The following SIGLECL1 variants were observed in gnomAD, a reference collection of about 807,000 sequenced individuals.
The protein encoded by SIGLECL1 is SIGLEC family like 1.
Under a neutral mutation model 19.1 loss-of-function variants are expected in SIGLECL1, and 16 were observed. That is an observed-to-expected ratio of 0.84 (90% CI 0.57 to 1.27). SIGLECL1 has a LOEUF of 1.27. Ranked by LOEUF, SIGLECL1 falls within the 50% of genes most tolerant of loss-of-function variation. The pLI, the probability that SIGLECL1 is intolerant of heterozygous loss-of-function variation, is 0.00. For synonymous variants in SIGLECL1, 89 were observed against 90.4 expected, an observed-to-expected ratio of 0.98 and a Z score of 0.09; for missense variants, 210 against 239.4, an observed-to-expected ratio of 0.88 and a Z score of 0.81.
At position 51,264,066 on chromosome 19, in the gene SIGLECL1, G is replaced by A. The variant is rs1983446969; in HGVS notation, c.-7G>A. 3 of 1,613,924 alleles carry A rather than the reference G, an allele frequency of 1.9e-6. No homozygotes were observed. In the African/African-American group the frequency reaches 4.0e-5, roughly 22 times the overall value. On this transcript the variant is annotated 5_prime_UTR_variant, in exon 2 of 6. Transcript: ENST00000601727. ...GCTGTTCCTGAGAACTGTTGCTGCT[G>A]GAAGTGATGCTTCCACTGCTACAGC...
intron 5 of SIGLECL1, 135 bp from the exon 6 acceptor site, chr19:51,268,436 G>A (rs1983838585): frequency 7.8e-6 from 7 of 900,992 alleles, no homozygotes; most frequent in South Asian, 6.7e-5. Context: ...TTGTGAGGAA[G>A]GGCTAAGCCA....
In SIGLECL1 at chr19:51,268,730, C is replaced by A. The variant is rs1179184482; in HGVS notation, c.*133C>A. On this transcript the variant is annotated 3_prime_UTR_variant, in exon 6 of 6. Coordinates refer to ENST00000601727, the MANE Select transcript of SIGLECL1 (RefSeq NM_001385465.1). ...AGCCCCCTGGACTCTCCTCAGCTCA[C>A]AAAACCCTCTCAATTCCTACACATC... 2 of 777,616 alleles carry A rather than the reference C, an allele frequency of 2.6e-6. No individual in the cohort carries two copies. Among genetic ancestry groups the A allele is most frequent in the African/African-American group, 1.8e-5 (1 of 57,088 alleles). 48.2% of individuals were successfully genotyped at this position (777,616 alleles called of 1,614,324 possible). A position where few individuals can be genotyped will look rare whatever the true frequency, so the allele number is the denominator to read the frequency against.
chr19:51,261,273 T>C (rs1303816465), intron 1 of SIGLECL1, among the ~76,000 whole-genome samples: 1 of 152,130 alleles, frequency 6.6e-6, no homozygotes, highest in African/African-American at 2.4e-5. Context: ...GGTGTATGTT[T>C]TCATTCTTTG....
chr19:51,265,453 TGTGCA>T lies in SIGLECL1; in HGVS notation c.112_116del (p.Gln38ValfsTer28), dbSNP rs1262829465. 1 of 1,614,016 alleles carries T rather than the reference TGTGCA, an allele frequency of 6.2e-7. No homozygotes were observed. The highest frequency in any genetic ancestry group is 8.5e-7 in the Non-Finnish European group (1 of 1,180,034). On this transcript the variant is annotated frameshift_variant, in exon 3 of 6. Coordinates refer to ENST00000601727, the MANE Select transcript of SIGLECL1 (RefSeq NM_001385465.1). LOFTEE classifies it high-confidence loss of function. Reference sequence around the variant, plus strand: ...CCTTCCATGGGATTCCCACACCCTCTGTGCAGTGGTGGATGGGAGGAGTCCCCGTG... The same window carrying T: ...CCTTCCATGGGATTCCCACACCCTCTGTGGTGGATGGGAGGAGTCCCCGTG...
rs562329475 is a variant in SIGLECL1 at position 51,264,055 on chromosome 19, C to G, written c.-18C>G. On this transcript the variant is annotated 5_prime_UTR_variant, in exon 2 of 6. Transcript: ENST00000601727. ...AAAGAGCTTCTGCTGTTCCTGAGAA[C>G]TGTTGCTGCTGGAAGTGATGCTTCC... 3.5e-5 allele frequency: 57 copies of G among 1,613,912 alleles called. No individual in the cohort carries two copies. The East Asian group carries it at 1.2e-3, about 33-fold the overall frequency.
Position 51,265,993 on chromosome 19 carries a change from G to A in SIGLECL1, c.410+111G>A, listed in dbSNP as rs907312004. 3.9e-6 allele frequency: 4 copies of A among 1,019,790 alleles called. No homozygotes were observed. In the South Asian group the frequency reaches 5.7e-5, roughly 14 times the overall value. 63.2% of individuals were successfully genotyped at this position (1,019,790 alleles called of 1,614,324 possible). On this transcript the variant is annotated intron_variant, in intron 4 of 5. Coordinates refer to ENST00000601727, the MANE Select transcript of SIGLECL1 (RefSeq NM_001385465.1). ...GACCCCTCCCCTCAAGGAGCTTAGG[G>A]TCTAAAGAGGGAAAGATGTACCAAA...
intron 1 of SIGLECL1, among the ~76,000 whole-genome samples, chr19:51,256,474 G>T (rs758440830): frequency 6.6e-6 from 1 of 152,182 alleles, no homozygotes; most frequent in Non-Finnish European, 1.5e-5. Context: ...AAAGTCAAAC[G>T]CATGGAAGCA....
rs1983764939 is a variant in SIGLECL1, at chr19:51,267,454, A to G, written c.492A>G (p.Gln164=). 3.7e-6 allele frequency: 6 copies of G among 1,614,248 alleles called. No individual in the cohort carries two copies. The East Asian group carries it at 1.1e-4, about 30-fold the overall frequency. Residue 164 remains glutamine (Q), a synonymous_variant, in exon 5 of 6, where the codon CAA becomes CAG. Transcript: ENST00000601727. The part of the protein sequence containing the change: ...AKKSSKVRAS[Q]ELEMSLKPEE... ...AGAGCTCTAAAGTCAGAGCAAGCCAAGAACTTGAGATGTCTCTGAAGCCTG... is the reference window on the plus strand; with the variant it reads ...AGAGCTCTAAAGTCAGAGCAAGCCAGGAACTTGAGATGTCTCTGAAGCCTG...
At chr19:51,266,794 C>T (rs954853917) in intron 4 of SIGLECL1, among the ~76,000 whole-genome samples, 2 of 152,100 alleles carry the variant, frequency 1.3e-5, no homozygotes, top group Non-Finnish European at 2.9e-5. Flanking sequence ...GCCAGAGAGA[C>T]GGGCAGGGGA....
In SIGLECL1 at chr19:51,269,303, T is replaced by C. The variant is rs1224549069; in HGVS notation, c.*706T>C. On this transcript the variant is annotated 3_prime_UTR_variant, in exon 6 of 6. Transcript: ENST00000601727. Reference sequence around the variant, plus strand: ...CTTTTATCACCAGCACCCAGAATGATGCCTAAAATACAATAAGATCTCAAG... The same window carrying C: ...CTTTTATCACCAGCACCCAGAATGACGCCTAAAATACAATAAGATCTCAAG... 6.6e-6 allele frequency: 1 copy of C among 152,262 alleles called. No homozygotes were observed. Among genetic ancestry groups the C allele is most frequent in the East Asian group, 1.9e-4 (1 of 5,208 alleles). The allele number at this position is 152,262 out of a possible 1,614,324, so 9.4% of individuals were successfully genotyped here. A position where few individuals can be genotyped will look rare whatever the true frequency, so the allele number is the denominator to read the frequency against.
chr19:51,253,355 AG>A (rs1982613139), intron 1 of SIGLECL1, among the ~76,000 whole-genome samples: 1 of 151,534 alleles, frequency 6.6e-6, no homozygotes, highest in African/African-American at 2.4e-5. Flanking sequence ...CTTCATATCT[AG>A]GCAGTTTGAC....
intron 1 of SIGLECL1, among the ~76,000 whole-genome samples, chr19:51,260,213 C>A (rs919690702): frequency 2.0e-5 from 3 of 152,194 alleles, no homozygotes; most frequent in Admixed American, 6.5e-5. Flanking sequence ...CTCTTCCTCC[C>A]AAAAAGGCAA....
Position 51,265,362 on chromosome 19 carries a change from C to G in SIGLECL1, c.23-6C>G, listed in dbSNP as rs529230865. ...CTTGCTGACTCCTGACCCTTCCTCC[C>G]CACAGTACCTGCTAAGCTGCTCAAC... On this transcript the variant is annotated splice_region_variant and splice_polypyrimidine_tract_variant and intron_variant, in intron 2 of 5. Coordinates refer to ENST00000601727, the MANE Select transcript of SIGLECL1 (RefSeq NM_001385465.1). 51 of 1,599,188 alleles carry G rather than the reference C, an allele frequency of 3.2e-5. No individual in the cohort carries two copies. The South Asian group carries it at 5.4e-4, about 17-fold the overall frequency.
chr19:51,246,577 G>A (rs1982266609), upstream of SIGLECL1, among the ~76,000 whole-genome samples: 1 of 152,076 alleles, frequency 6.6e-6, no homozygotes, highest in Admixed American at 6.6e-5. Context: ...CTGATTGAGT[G>A]GTTAAGTTAA....
chr19:51,252,099 C>A (rs1982524284), intron 1 of SIGLECL1, among the ~76,000 whole-genome samples: 1 of 152,014 alleles, frequency 6.6e-6, no homozygotes, highest in South Asian at 2.1e-4. Context: ...GAGTTCAAGA[C>A]CAGCCTGGCC....
chr19:51,258,405 T>C (rs141145333), intron 1 of SIGLECL1, among the ~76,000 whole-genome samples: 425 of 152,338 alleles, frequency 2.8e-3, no homozygotes, highest in East Asian at 0.011. Context: ...CCTGTGCGTA[T>C]AGAAATGCAG....
intron 4 of SIGLECL1, 95 bp downstream of exon 4, chr19:51,265,977 C>G: frequency 8.2e-7 from 1 of 1,222,820 alleles, no homozygotes; most frequent in Non-Finnish European, 1.2e-6. Context: ...GGACCCCTCC[C>G]CTCAAGGAGC....
intron 4 of SIGLECL1, among the ~76,000 whole-genome samples, chr19:51,266,291 G>C (rs1353406492): frequency 1.3e-5 from 2 of 152,010 alleles, no homozygotes; most frequent in Non-Finnish European, 2.9e-5. Flanking sequence ...AAGTTCTCGA[G>C]GCACCGACAT....
At position 51,261,278 on chromosome 19, in the gene SIGLECL1, T is replaced by A. The variant is rs1368627694; in HGVS notation, c.-190-2605T>A. ...GTATTTGCTTGGTGTATGTTTTCAT[T>A]CTTTGGTTTTTTCTTTTTTTCTTTT... On this transcript the variant is annotated intron_variant, in intron 1 of 5. Transcript: ENST00000601727. Among the ~76,000 whole-genome samples, 3 of 152,120 alleles carry A rather than the reference T, an allele frequency of 2.0e-5. No homozygotes were observed. In the South Asian group the frequency reaches 6.2e-4, roughly 32 times the overall value.
Sources: gnomAD v4.1 joint callset for allele counts (sites outside exome capture counted in the v4.1 genomes callset) on GRCh38, gnomAD v4.1.1 for gene constraint, MANE v1.5 for transcripts, NCBI Gene and HGNC (gene_info 2026-07-23, HGNC 2026-07-21) for gene names.